The following PTPRG variants were observed in gnomAD, a reference collection of about 807,000 sequenced individuals.
PTPRG encodes the protein protein tyrosine phosphatase receptor type G, also known as receptor-type tyrosine-protein phosphatase gamma.
Under a neutral mutation model 165.3 loss-of-function variants are expected in PTPRG, and 102 were observed. The observed-to-expected ratio is 0.62, with a 90% CI of 0.53 to 0.73. PTPRG has a LOEUF of 0.73. PTPRG is among the 30% of genes least tolerant of loss of function. The probability of loss-of-function intolerance (pLI) is 0.00; values close to 1 mark genes in which losing one functional copy is unlikely to be tolerated. For missense variants in PTPRG, 1,866 were observed against 1,861.4 expected (o/e 1.00, Z -0.05); for synonymous variants, 675 against 669.5 (o/e 1.01, Z -0.13).
At chr3:61,763,664 C>T (rs1362244459) in intron 2 of PTPRG, among the ~76,000 whole-genome samples, 1 of 152,086 alleles carries the variant, frequency 6.6e-6, no homozygotes, top group Non-Finnish European at 1.5e-5. Context: ...AGCCACTGTA[C>T]CCAGCCCATT....
intron 5 of PTPRG, among the ~76,000 whole-genome samples, chr3:62,111,902 A>T (rs1260193410): frequency 6.6e-6 from 1 of 152,196 alleles, no homozygotes; most frequent in Admixed American, 6.5e-5. Flanking sequence ...ACGTGTATGT[A>T]TGTATGAATC....
chr3:61,752,315 A>G (rs561282052), intron 2 of PTPRG, among the ~76,000 whole-genome samples: 5 of 152,272 alleles, frequency 3.3e-5, no homozygotes, highest in South Asian at 2.1e-4. Flanking sequence ...CTGGAACACA[A>G]GCACACCCAT....
chr3:61,779,662 T>G (rs569775291), intron 2 of PTPRG, among the ~76,000 whole-genome samples: 11 of 152,182 alleles, frequency 7.2e-5, no homozygotes, highest in Non-Finnish European at 1.5e-4. Flanking sequence ...CTTCTTAAAT[T>G]TTCATATTTT....
At chr3:62,030,944 G>C (rs1247790329) in intron 4 of PTPRG, among the ~76,000 whole-genome samples, 2 of 152,162 alleles carry the variant, frequency 1.3e-5, no homozygotes. Context: ...AAATATCCAA[G>C]ACACAATTTG....
chr3:61,745,332 C>G (rs544700722), intron 1 of PTPRG, among the ~76,000 whole-genome samples: 2 of 152,302 alleles, frequency 1.3e-5, no homozygotes, highest in East Asian at 1.9e-4. Flanking sequence ...CAGGCGTGAG[C>G]CTCGCACCTG....
chr3:61,618,975 C>CAAACAA (rs1491550904), intron 1 of PTPRG, among the ~76,000 whole-genome samples: 13 of 72,950 alleles, frequency 1.8e-4, no homozygotes, highest in African/African-American at 4.8e-4. Context: ...GATCCTGTCT[C>CAAACAA]AAAAAAAAAA....
chr3:62,294,849 CT>C lies in PTPRG; in HGVS notation c.*1543del, dbSNP rs1412253153. On this transcript the variant is annotated 3_prime_UTR_variant, in exon 30 of 30. Coordinates refer to ENST00000474889, the MANE Select transcript of PTPRG (RefSeq NM_002841.4). The stretch of plus-strand genomic sequence containing the variant: ...TTCAACAAAAAGGCCACGCTGGCTG[CT>C]GTCATGCCATCTGGGTATGCATTAA... 6.6e-6 allele frequency: 1 copy of C among 152,120 alleles called. No individual in the cohort carries two copies. The highest frequency in any genetic ancestry group is 1.5e-5 in the Non-Finnish European group (1 of 68,016). The allele number at this position is 152,120 out of a possible 1,614,324, so 9.4% of individuals were successfully genotyped here.
intron 1 of PTPRG, among the ~76,000 whole-genome samples, chr3:61,701,057 T>C (rs1479686095): frequency 6.6e-6 from 1 of 152,186 alleles, no homozygotes; most frequent in Non-Finnish European, 1.5e-5. Flanking sequence ...GTGGGAGCTT[T>C]AATAGTTGCC....
intron 2 of PTPRG, among the ~76,000 whole-genome samples, chr3:61,821,346 T>C (rs1341174103): frequency 1.3e-5 from 2 of 152,144 alleles, no homozygotes; most frequent in East Asian, 3.9e-4. Context: ...CTTTTTTGTA[T>C]TTTTAGTAGA....
chr3:62,258,209 G>A (rs570018349), intron 16 of PTPRG, among the ~76,000 whole-genome samples: 14 of 152,228 alleles, frequency 9.2e-5, no homozygotes, highest in African/African-American at 2.9e-4. Flanking sequence ...TATCCAACAT[G>A]TAGGCCTAAA....
intron 5 of PTPRG, among the ~76,000 whole-genome samples, chr3:62,112,362 C>T (rs1702700789): frequency 1.3e-5 from 2 of 152,198 alleles, no homozygotes; most frequent in Admixed American, 1.3e-4. Context: ...CCTCAGCCTC[C>T]CAAAGTGCTG....
chr3:61,918,532 C>A (rs1306412498), intron 2 of PTPRG, among the ~76,000 whole-genome samples: 4 of 152,098 alleles, frequency 2.6e-5, no homozygotes, highest in Admixed American at 2.0e-4. Context: ...TAAGATCGCC[C>A]TGTACAAATA....
At chr3:61,885,426 C>T (rs2038001179) in intron 2 of PTPRG, among the ~76,000 whole-genome samples, 1 of 151,278 alleles carries the variant, frequency 6.6e-6, no homozygotes, top group Non-Finnish European at 1.5e-5. Flanking sequence ...ATTTCTTTTC[C>T]TATTTGTACA....
chr3:61,642,173 A>C (rs952214563), intron 1 of PTPRG, among the ~76,000 whole-genome samples: 3 of 152,106 alleles, frequency 2.0e-5, no homozygotes, highest in African/African-American at 7.2e-5. Context: ...CATTTTTCTC[A>C]GCCACAGAGC....
chr3:62,130,846 T>C (rs1703487423), intron 5 of PTPRG, among the ~76,000 whole-genome samples: 1 of 152,228 alleles, frequency 6.6e-6, no homozygotes, highest in Non-Finnish European at 1.5e-5. Context: ...AGTCCCTGGC[T>C]TGAGCTTCTT....
chr3:62,148,646 C>T (rs1221377633), intron 6 of PTPRG, among the ~76,000 whole-genome samples: 1 of 151,974 alleles, frequency 6.6e-6, no homozygotes, highest in African/African-American at 2.4e-5. Context: ...GCCTGTAGTC[C>T]CAGCTACTCG....
intron 2 of PTPRG, among the ~76,000 whole-genome samples, chr3:61,900,717 G>C (rs576215599): frequency 6.6e-6 from 1 of 152,182 alleles, no homozygotes; most frequent in East Asian, 1.9e-4. Context: ...ACAAATATCA[G>C]ACAAGTTAGA....
intron 2 of PTPRG, among the ~76,000 whole-genome samples, chr3:61,923,086 A>T (rs1182026045): frequency 6.6e-6 from 1 of 152,102 alleles, no homozygotes; most frequent in Non-Finnish European, 1.5e-5. Flanking sequence ...AACTCTTTTT[A>T]CCCTGTTCTT....
chr3:61,995,745 T>TTCCCTCCCTCCC (rs1553702235), intron 3 of PTPRG, among the ~76,000 whole-genome samples: 55 of 109,794 alleles, frequency 5.0e-4, no homozygotes, highest in African/African-American at 1.8e-3. Context: ...CCTTCCTTCC[T>TTCCCTCCCTCCC]TCCCTCCCTC....
Sources: allele counts gnomAD v4.1 joint callset (sites outside exome capture counted in the v4.1 genomes callset), GRCh38; gene constraint gnomAD v4.1.1; transcripts MANE v1.5; gene names NCBI Gene and HGNC (gene_info 2026-07-23, HGNC 2026-07-21).